Variants in SNX13 observed in about 807,000 individuals in gnomAD.
SNX13 encodes sorting nexin 13.
Under a neutral mutation model 133.6 loss-of-function variants are expected in SNX13, and 45 were observed. The observed-to-expected ratio is 0.34, with a 90% CI of 0.27 to 0.43. The LOEUF (loss-of-function observed/expected upper bound fraction) is 0.43. Among genes scored for constraint, SNX13 ranks in the 20% least tolerant of loss-of-function variants. SNX13 has a pLI of 1.00. For missense variants in SNX13, 1,032 were observed against 1,145.1 expected, an observed-to-expected ratio of 0.90 and a Z score of 1.43; for synonymous variants, 414 against 373.9, an observed-to-expected ratio of 1.11 and a Z score of -1.24.
chr7:17,914,092 T>C (rs1212657777), intron 1 of SNX13, among the ~76,000 whole-genome samples: 4 of 148,128 alleles, frequency 2.7e-5, no homozygotes, highest in East Asian at 4.1e-4. Flanking sequence ...CAAAATACAG[T>C]TGGAAGCCTT....
intron 9 of SNX13, among the ~76,000 whole-genome samples, chr7:17,864,584 A>G (rs1047285509): frequency 6.6e-6 from 1 of 152,180 alleles, no homozygotes; most frequent in Non-Finnish European, 1.5e-5. Context: ...ACTGGGTAAA[A>G]AGTTTATTCA....
rs186631754 is a variant in SNX13 at position 17,938,379 on chromosome 7, A to G, written c.12+1905T>C. 8.2e-4 allele frequency among the ~76,000 whole-genome samples: 125 copies of G among 152,328 alleles called. No homozygotes were observed. The Middle Eastern group carries it at 0.014, about 17-fold the overall frequency. The stretch of plus-strand genomic sequence containing the variant: ...TTTCGACTGTCACTAATATTTAATA[A>G]TTGACCTTGGACAAGAGTCTCTGGC... On this transcript the variant is annotated intron_variant, in intron 1 of 25. Coordinates refer to ENST00000428135, the MANE Select transcript of SNX13 (RefSeq NM_015132.5).
At chr7:17,859,414 T>C (rs1282051063) in intron 9 of SNX13, among the ~76,000 whole-genome samples, 1 of 152,024 alleles carries the variant, frequency 6.6e-6, no homozygotes, top group East Asian at 1.9e-4. Context: ...AGATTGACAA[T>C]GCTAAATGTT....
At chr7:17,870,395 CAAAG>C (rs1245301168) in intron 8 of SNX13, among the ~76,000 whole-genome samples, 1 of 151,792 alleles carries the variant, frequency 6.6e-6, no homozygotes, top group Non-Finnish European at 1.5e-5. Flanking sequence ...CAAAAGAAAA[CAAAG>C]AAAGAGCTAA....
intron 19 of SNX13, 65 bp from the exon 20 acceptor site, chr7:17,815,009 T>C: frequency 7.5e-7 from 1 of 1,338,118 alleles, no homozygotes; most frequent in Non-Finnish European, 9.6e-7. Flanking sequence ...AAATTACCAT[T>C]GTTTATAATT....
chr7:17,940,139 C>G, intron 1 of SNX13, 145 bp downstream of exon 1: 2 of 1,086,058 alleles, frequency 1.8e-6, no homozygotes, highest in African/African-American at 3.1e-5. Flanking sequence ...TCTGAGGGCA[C>G]TTGTAGGATC....
chr7:17,928,635 G>GA (rs1259837747), intron 1 of SNX13, among the ~76,000 whole-genome samples: 21 of 149,836 alleles, frequency 1.4e-4, no homozygotes, highest in Admixed American at 1.1e-3. Context: ...TCAATTATGA[G>GA]AAAAAAACAG....
intron 5 of SNX13, chr7:17,881,883 T>G (rs1373781239): frequency 6.6e-6 from 1 of 152,178 alleles, no homozygotes; most frequent in Non-Finnish European, 1.5e-5. Context: ...TTGAATCCAC[T>G]AAATCAATCC....
At chr7:17,866,394 C>T (rs1212386706) in intron 9 of SNX13, among the ~76,000 whole-genome samples, 2 of 151,614 alleles carry the variant, frequency 1.3e-5, no homozygotes, top group Non-Finnish European at 1.5e-5. Flanking sequence ...TTAAAAAATG[C>T]TTAACAGCAC....
At chr7:17,907,414 G>A (rs985112496) in intron 1 of SNX13, 1 of 152,188 alleles carries the variant, frequency 6.6e-6, no homozygotes. Context: ...TACAGAGAAT[G>A]TAAGGATTGA....
chr7:17,883,943 A>G (rs1297284703), intron 5 of SNX13, among the ~76,000 whole-genome samples: 2 of 152,116 alleles, frequency 1.3e-5, no homozygotes, highest in Non-Finnish European at 2.9e-5. Flanking sequence ...AGTTATGCTC[A>G]TTTATTTGCA....
rs142703084 is a variant in SNX13, at chr7:17,929,602, C to A, written c.12+10682G>T. On this transcript the variant is annotated intron_variant, in intron 1 of 25. Coordinates refer to ENST00000428135, the MANE Select transcript of SNX13 (RefSeq NM_015132.5). The stretch of plus-strand genomic sequence containing the variant: ...ACAGAAGAGCTTATATAAATGAGAG[C>A]CACTTTACATAAAACTTTATCAAAC... Among the ~76,000 whole-genome samples, 1,051 of 152,230 alleles carry A rather than the reference C, an allele frequency of 6.9e-3. 13 individuals carry two copies. Among genetic ancestry groups the A allele is most frequent in the Middle Eastern group, 0.02 (6 of 294 alleles).
At chr7:17,893,801 C>T (rs1384346999) in intron 2 of SNX13, among the ~76,000 whole-genome samples, 1 of 151,706 alleles carries the variant, frequency 6.6e-6, no homozygotes, top group Non-Finnish European at 1.5e-5. Flanking sequence ...GGTGAAACCC[C>T]GTCTCTACTA....
At position 17,818,453 on chromosome 7, in the gene SNX13, C is replaced by T. The variant is rs535025056; in HGVS notation, c.1846-2164G>A. Among the ~76,000 whole-genome samples, 11 of 152,224 alleles carry T rather than the reference C, an allele frequency of 7.2e-5. No individual in the cohort carries two copies. In the East Asian group the frequency reaches 2.1e-3, roughly 29 times the overall value. ...CTGTCTGGAACAGAAACATAAATCA[C>T]TAACAGTTTTCTCAAACTATAAAAG... On this transcript the variant is annotated intron_variant, in intron 18 of 25. Transcript: ENST00000428135.
chr7:17,805,254 T>TGTGTGTGTGTGC lies in SNX13; in HGVS notation c.2065-1675_2065-1674insGCACACACACAC, dbSNP rs537620797. The stretch of plus-strand genomic sequence containing the variant: ...GTGTGTGTGTGTGTGTGTGTGTGCG[T>TGTGTGTGTGTGC]GCGCGCGCGCGCATGCATGCACATG... On this transcript the variant is annotated intron_variant, in intron 20 of 25. Coordinates refer to ENST00000428135, the MANE Select transcript of SNX13 (RefSeq NM_015132.5). 6.1e-4 allele frequency among the ~76,000 whole-genome samples: 81 copies of TGTGTGTGTGTGC among 132,512 alleles called. 4 individuals are homozygous for TGTGTGTGTGTGC. Among genetic ancestry groups the TGTGTGTGTGTGC allele is most frequent in the East Asian group, 5.2e-3 (24 of 4,650 alleles). The allele number at this position is 132,512 out of a possible 152,430, so 86.9% of individuals were successfully genotyped here. A position where few individuals can be genotyped will look rare whatever the true frequency, so the allele number is the denominator to read the frequency against.
chr7:17,873,443 T>A, intron 8 of SNX13, 85 bp downstream of exon 8: 2 of 548,256 alleles, frequency 3.6e-6, no homozygotes, highest in Non-Finnish European at 2.7e-6. Flanking sequence ...TTTTTAAGAG[T>A]GTAACAGGGT....
At chr7:17,840,187 G>A (rs986955456) in intron 12 of SNX13, among the ~76,000 whole-genome samples, 187 bp from the exon 13 acceptor site, 14 of 151,958 alleles carry the variant, frequency 9.2e-5, no homozygotes, top group Admixed American at 8.5e-4. Flanking sequence ...AACCAGTTAT[G>A]TTAAAAACAA....
At chr7:17,855,979 T>C (rs1791830651) in intron 9 of SNX13, among the ~76,000 whole-genome samples, 1 of 152,242 alleles carries the variant, frequency 6.6e-6, no homozygotes, top group Non-Finnish European at 1.5e-5. Flanking sequence ...TCATGATTCA[T>C]GGGATGAGGT....
intron 1 of SNX13, among the ~76,000 whole-genome samples, chr7:17,918,409 G>A (rs1324752638): frequency 1.3e-5 from 2 of 149,982 alleles, no homozygotes; most frequent in African/African-American, 4.9e-5. Context: ...TCCAGAATCC[G>A]TAAGAAACTT....
Sources: allele counts gnomAD v4.1 joint callset (sites outside exome capture counted in the v4.1 genomes callset), GRCh38; gene constraint gnomAD v4.1.1; transcripts MANE v1.5; gene names NCBI Gene and HGNC (gene_info 2026-07-23, HGNC 2026-07-21).